The following GLIS3 variants were observed in gnomAD, a reference collection of about 807,000 sequenced individuals.
GLIS3 encodes the protein GLIS family zinc finger 3.
Under a neutral mutation model 78.6 loss-of-function variants are expected in GLIS3, and 53 were observed. The observed-to-expected ratio is 0.67, with a 90% CI of 0.54 to 0.85. GLIS3 has a LOEUF of 0.85. Ranked by LOEUF, GLIS3 falls within the 40% of genes least tolerant of loss-of-function variation. The pLI is 0.00. For synonymous variants in GLIS3, 684 were observed against 509.9 expected (o/e 1.34, Z -4.60); for missense variants, 1,703 against 1,231.1 (o/e 1.38, Z -5.74).
the GLIS3 span, among the ~76,000 whole-genome samples, chr9:4,397,305 G>A: frequency 5.8e-4 from 88 of 151,266 alleles, 1 homozygote; most frequent in Non-Finnish European, 6.2e-4. Flanking sequence ...GATTACAGGC[G>A]TGAGCCACCA....
At position 3,977,416 on chromosome 9, in the gene GLIS3, G is replaced by A. The variant is rs994616300; in HGVS notation, c.1711-40227C>T. On this transcript the variant is annotated intron_variant, in intron 4 of 10. Transcript: ENST00000381971. This position sits in a 1 kb window ranked among gnomAD's most constrained non-coding sequence, Gnocchi z 4.1. ...TAATTTATTTTGGAGAACTGAGGTT[G>A]ATATCCACTAGTGCTATTATTAAAA... Among the ~76,000 whole-genome samples, 16 of 152,160 alleles carry A rather than the reference G, an allele frequency of 1.1e-4. No homozygotes were observed. The highest frequency in any genetic ancestry group is 3.3e-4 in the Admixed American group (5 of 15,268).
chr9:4,488,165 G>A, the GLIS3 span, among the ~76,000 whole-genome samples: 1 of 152,040 alleles, frequency 6.6e-6, no homozygotes, highest in Admixed American at 6.6e-5. Flanking sequence ...ATGTTGTCCA[G>A]GCTGGTCCTA....
At chr9:4,010,631 C>T (rs958762582) in intron 4 of GLIS3, among the ~76,000 whole-genome samples, 1 of 152,172 alleles carries the variant, frequency 6.6e-6, no homozygotes, top group Non-Finnish European at 1.5e-5. Flanking sequence ...TGAAAATCGC[C>T]TGCTTTGGTG....
intron 6 of GLIS3, among the ~76,000 whole-genome samples, chr9:3,916,047 G>A (rs1420721431): frequency 1.3e-5 from 2 of 152,138 alleles, no homozygotes; most frequent in Non-Finnish European, 1.5e-5. Context: ...CCATGTAGAA[G>A]AAAATCTTAG....
intron 2 of GLIS3, chr9:4,151,111 T>C (rs189735978): frequency 7.2e-5 from 11 of 152,224 alleles, no homozygotes; most frequent in Non-Finnish European, 1.5e-4. Flanking sequence ...AAAAGCGACA[T>C]AGAGATGCCT....
intron 4 of GLIS3, among the ~76,000 whole-genome samples, chr9:3,978,500 A>G (rs1818965675): frequency 6.6e-6 from 1 of 152,096 alleles, no homozygotes; most frequent in Admixed American, 6.6e-5. Context: ...AATATATACC[A>G]ATGTCATCAT....
intron 2 of GLIS3, among the ~76,000 whole-genome samples, chr9:4,202,258 C>G (rs1819471982): frequency 7.0e-6 from 1 of 143,778 alleles, no homozygotes; most frequent in South Asian, 2.2e-4. Flanking sequence ...TCATGCCATT[C>G]TCCTGCCTCA....
intron 2 of GLIS3, among the ~76,000 whole-genome samples, chr9:4,328,780 G>A (rs1360100135): frequency 1.3e-5 from 2 of 152,196 alleles, no homozygotes; most frequent in African/African-American, 2.4e-5. Flanking sequence ...CATACCAGGT[G>A]TTGCGAGGAC....
intron 2 of GLIS3, among the ~76,000 whole-genome samples, chr9:4,128,279 C>T (rs1444577699): frequency 2.0e-5 from 3 of 152,228 alleles, no homozygotes; most frequent in African/African-American, 4.8e-5. Context: ...ACCACTGCTT[C>T]TTTCATTTGT....
chr9:4,441,287 G>T, the GLIS3 span, among the ~76,000 whole-genome samples: 3 of 152,116 alleles, frequency 2.0e-5, no homozygotes, highest in African/African-American at 7.2e-5. Context: ...TTAGTTGTGG[G>T]TCTGTCATAC....
At chr9:4,144,411 A>G (rs1834051035) in intron 2 of GLIS3, among the ~76,000 whole-genome samples, 2 of 152,250 alleles carry the variant, frequency 1.3e-5, no homozygotes, top group Non-Finnish European at 2.9e-5. Context: ...AAGGCCAGGT[A>G]TCTGAAGACA....
At chr9:3,877,152 G>A (rs1250378688) in intron 8 of GLIS3, among the ~76,000 whole-genome samples, 1 of 152,176 alleles carries the variant, frequency 6.6e-6, no homozygotes, top group African/African-American at 2.4e-5. Context: ...ATTGTGGATG[G>A]AGTAAGATTC....
the GLIS3 span, among the ~76,000 whole-genome samples, chr9:4,445,356 G>A: frequency 6.6e-6 from 1 of 152,232 alleles, no homozygotes; most frequent in Non-Finnish European, 1.5e-5. Context: ...GCCAGGTGTG[G>A]TGGTTCACGC....
rs949789457 is a variant in GLIS3 at position 3,824,338 on chromosome 9, T to C, written c.*3934A>G. ...AACATTCCCTCCCGCATCATCTGCCTTTAATTATAATTACCATTCCCAGTA... is the reference window on the plus strand; with the variant it reads ...AACATTCCCTCCCGCATCATCTGCCCTTAATTATAATTACCATTCCCAGTA... On this transcript the variant is annotated 3_prime_UTR_variant, in exon 11 of 11. Coordinates refer to ENST00000381971, the MANE Select transcript of GLIS3 (RefSeq NM_001042413.2). 2.0e-5 allele frequency: 3 copies of C among 152,610 alleles called. No homozygotes were observed. Among genetic ancestry groups the C allele is most frequent in the Non-Finnish European group, 4.4e-5 (3 of 68,036 alleles). The allele number at this position is 152,610 out of a possible 1,614,324, so 9.5% of individuals were successfully genotyped here. A position where few individuals can be genotyped will look rare whatever the true frequency, so the allele number is the denominator to read the frequency against.
At chr9:3,890,191 C>T (rs990212142) in intron 7 of GLIS3, among the ~76,000 whole-genome samples, 1 of 152,140 alleles carries the variant, frequency 6.6e-6, no homozygotes, top group Non-Finnish European at 1.5e-5. Flanking sequence ...ATTCACTGTT[C>T]ATTAAATTCA....
chr9:3,914,938 G>A (rs183857992), intron 6 of GLIS3, among the ~76,000 whole-genome samples: 24 of 152,056 alleles, frequency 1.6e-4, no homozygotes, highest in Middle Eastern at 3.4e-3. Context: ...TGTTATTTTC[G>A]TCAATGCACA....
the GLIS3 span, among the ~76,000 whole-genome samples, chr9:4,463,637 A>G: frequency 7.9e-5 from 12 of 152,334 alleles, no homozygotes; most frequent in Admixed American, 5.2e-4. Context: ...TTTAACCCGA[A>G]TAAACCTCAA....
intron 2 of GLIS3, among the ~76,000 whole-genome samples, chr9:4,273,028 T>C (rs746084927): frequency 2.0e-5 from 3 of 152,238 alleles, no homozygotes; most frequent in Non-Finnish European, 4.4e-5. Context: ...TTTACATTTG[T>C]TCTCTTAGTT....
In GLIS3 at chr9:3,879,489, C is replaced by A. The variant is rs758580169; in HGVS notation, c.2235G>T (p.Gly745=). The A allele has an allele frequency of 1.9e-6, 3 of 1,614,032 alleles. No individual in the cohort carries two copies. The highest frequency in any genetic ancestry group is 2.5e-6 in the Non-Finnish European group (3 of 1,179,988). ...ACTGGGAGGAGGGGTTGTGAGGGCT[C>A]CCCTGTACATTATGTCCTGGAGAAG... is the stretch of plus-strand genomic sequence containing the variant. ...SHPSPGHNVQ[G]SPHNPSSQLP... The change falls in exon 8 of 11, where the codon GGG becomes GGT. Residue 745 remains glycine (G), a synonymous_variant. Transcript: ENST00000381971.
Sources: allele counts gnomAD v4.1 joint callset (sites outside exome capture counted in the v4.1 genomes callset), GRCh38; gene constraint gnomAD v4.1.1; non-coding constraint Gnocchi (gnomAD v3.1); transcripts MANE v1.5; gene names NCBI Gene and HGNC (gene_info 2026-07-23, HGNC 2026-07-21).